DOCK3: variants seen among roughly 807,000 people sequenced by gnomAD.
The protein encoded by DOCK3 is dedicator of cytokinesis 3, also known as dedicator of cytokinesis protein 3.
A neutral mutation model predicts 265.6 loss-of-function variants in DOCK3; 60 were observed. The ratio of observed to expected loss-of-function variants is 0.23; its 90% CI spans 0.18 to 0.28. DOCK3 has a LOEUF of 0.28. Ranked by LOEUF, DOCK3 falls within the 10% of genes least tolerant of loss-of-function variation. DOCK3 has a pLI of 1.00. For missense variants in DOCK3, 1,981 were observed against 2,594.3 expected (o/e 0.76, Z 5.14); for synonymous variants, 881 against 938.0 (o/e 0.94, Z 1.11).
chr3:51,225,945 T>C (rs1016001968), intron 15 of DOCK3, among the ~76,000 whole-genome samples, 172 bp downstream of exon 15: 7 of 152,192 alleles, frequency 4.6e-5, no homozygotes, highest in African/African-American at 7.2e-5. Flanking sequence ...GATAATGACT[T>C]CCAGTATTGT....
chr3:51,292,669 C>G (rs1237534794), intron 27 of DOCK3, among the ~76,000 whole-genome samples: 1 of 152,054 alleles, frequency 6.6e-6, no homozygotes, highest in Non-Finnish European at 1.5e-5. Flanking sequence ...AAACAAAATA[C>G]TTAGGGGTTA....
chr3:50,849,054 A>G (rs56341000), intron 3 of DOCK3, among the ~76,000 whole-genome samples: 3,787 of 151,254 alleles, frequency 0.025, 183 homozygotes, highest in African/African-American at 0.087. Context: ...TCTTTTCTTG[A>G]GATGGGGTCT....
intron 9 of DOCK3, among the ~76,000 whole-genome samples, chr3:51,107,407 A>T (rs1560071799): frequency 6.6e-6 from 1 of 152,242 alleles, no homozygotes; most frequent in East Asian, 1.9e-4. Flanking sequence ...ATAGGAATGA[A>T]GATCATTGAG....
intron 1 of DOCK3, among the ~76,000 whole-genome samples, chr3:50,775,818 T>A (rs2041561380): frequency 6.8e-6 from 1 of 146,696 alleles, no homozygotes; most frequent in Admixed American, 7.1e-5. Flanking sequence ...TAGCTCCCAC[T>A]TATAGATGAG....
chr3:51,097,124 G>A (rs2082889554), intron 9 of DOCK3, among the ~76,000 whole-genome samples: 1 of 152,220 alleles, frequency 6.6e-6, no homozygotes, highest in Non-Finnish European at 1.5e-5. Flanking sequence ...CCTCAGCAGA[G>A]CTCAAGCGCT....
chr3:50,737,203 TA>T (rs1673447906), intron 1 of DOCK3, among the ~76,000 whole-genome samples: 1 of 152,210 alleles, frequency 6.6e-6, no homozygotes, highest in African/African-American at 2.4e-5. Flanking sequence ...CTCTTTAGTT[TA>T]ATTAGATCCC....
chr3:50,686,624 G>A (rs1208751214), intron 1 of DOCK3, among the ~76,000 whole-genome samples: 1 of 152,096 alleles, frequency 6.6e-6, no homozygotes. Context: ...TAAAATCTCT[G>A]CTCGCCAAGC....
At chr3:50,906,799 T>G (rs1396021545) in intron 4 of DOCK3, among the ~76,000 whole-genome samples, 2 of 152,120 alleles carry the variant, frequency 1.3e-5, no homozygotes, top group Non-Finnish European at 2.9e-5. Context: ...TTCTGCTAGC[T>G]TTTGAATGTG....
intron 49 of DOCK3, among the ~76,000 whole-genome samples, chr3:51,365,803 A>T (rs987852636): frequency 6.6e-6 from 1 of 152,218 alleles, no homozygotes; most frequent in African/African-American, 2.4e-5. Flanking sequence ...TGATCTGCAT[A>T]TGTTGAACCA....
At chr3:50,978,270 T>A (rs2077545999) in intron 5 of DOCK3, among the ~76,000 whole-genome samples, 1 of 150,456 alleles carries the variant, frequency 6.6e-6, no homozygotes, top group Admixed American at 6.6e-5. Context: ...CCCATCTTTG[T>A]GGTTTTATCT....
intron 12 of DOCK3, among the ~76,000 whole-genome samples, chr3:51,201,363 G>GCA (rs2088757930): frequency 6.6e-6 from 1 of 151,850 alleles, no homozygotes; most frequent in African/African-American, 2.4e-5. Context: ...AAAAAAGGAA[G>GCA]GGGTTGCAAT....
intron 9 of DOCK3, among the ~76,000 whole-genome samples, chr3:51,108,326 A>C (rs973728951): frequency 3.3e-5 from 5 of 152,232 alleles, no homozygotes; most frequent in African/African-American, 1.2e-4. Flanking sequence ...GATCCTTGTC[A>C]GGCAAGCAAA....
At chr3:51,087,868 A>C (rs2082487804) in intron 7 of DOCK3, among the ~76,000 whole-genome samples, 1 of 152,164 alleles carries the variant, frequency 6.6e-6, no homozygotes, top group African/African-American at 2.4e-5. Flanking sequence ...AAACAGAACC[A>C]CCATTTGATC....
At chr3:50,965,217 C>A (rs1179376702) in intron 5 of DOCK3, among the ~76,000 whole-genome samples, 1 of 151,874 alleles carries the variant, frequency 6.6e-6, no homozygotes, top group Non-Finnish European at 1.5e-5. Context: ...CTGAATAATT[C>A]ATGAGTCAAA....
chr3:51,336,156 T>C (rs2084855938), intron 35 of DOCK3, among the ~76,000 whole-genome samples: 2 of 152,156 alleles, frequency 1.3e-5, no homozygotes, highest in Non-Finnish European at 2.9e-5. Flanking sequence ...CCTGAACCTG[T>C]TATGTAAGAC....
rs190519090 is a variant in DOCK3, at chr3:51,036,876, C to T, written c.316-27572C>T. ...TCTCGAGATCTGATGGTTTTAAAAA[C>T]GGGAGTTTCCCTGCACAAGCTCTCT... On this transcript the variant is annotated intron_variant, in intron 5 of 52. Transcript: ENST00000266037. 1.8e-3 allele frequency among the ~76,000 whole-genome samples: 270 copies of T among 152,154 alleles called. 1 individual carries two copies. The highest frequency in any genetic ancestry group is 2.8e-3 in the Non-Finnish European group (192 of 67,994).
In DOCK3 at chr3:51,016,249, T is replaced by TATATTTCTA; in HGVS notation, c.316-48199_316-48198insATATTTCTA. Reference sequence around the variant, plus strand: ...TATCATATATTTCTACATATATATATCAATCATATATTTCTACATATATAT... The same window carrying TATATTTCTA: ...TATCATATATTTCTACATATATATATATATTTCTACAATCATATATTTCTACATATATAT... On this transcript the variant is annotated intron_variant, in intron 5 of 52. Coordinates refer to ENST00000266037, the MANE Select transcript of DOCK3 (RefSeq NM_004947.5). 1.8e-3 allele frequency among the ~76,000 whole-genome samples: 4 copies of TATATTTCTA among 2,266 alleles called. 2 individuals carry two copies. The highest frequency in any genetic ancestry group is 0.013 in the African/African-American group (2 of 150). The allele number at this position is 2,266 out of a possible 152,430, so 1.5% of individuals were successfully genotyped here. A position where few individuals can be genotyped will look rare whatever the true frequency, so the allele number is the denominator to read the frequency against.
At chr3:51,202,586 G>A (rs1452651898) in intron 12 of DOCK3, among the ~76,000 whole-genome samples, 6 of 152,006 alleles carry the variant, frequency 3.9e-5, no homozygotes, top group Non-Finnish European at 7.4e-5. Flanking sequence ...TTCTACCAGA[G>A]GTACAAGGAG....
At chr3:50,766,685 G>C (rs2040901101) in intron 1 of DOCK3, among the ~76,000 whole-genome samples, 1 of 152,148 alleles carries the variant, frequency 6.6e-6, no homozygotes, top group Non-Finnish European at 1.5e-5. Flanking sequence ...CTAGATCCTT[G>C]AGGAATTGCC....
Sources: gnomAD v4.1 joint callset for allele counts (sites outside exome capture counted in the v4.1 genomes callset) on GRCh38, gnomAD v4.1.1 for gene constraint, MANE v1.5 for transcripts, NCBI Gene and HGNC (gene_info 2026-07-23, HGNC 2026-07-21) for gene names.